The following RIN2 variants were observed in gnomAD, a reference collection of about 807,000 sequenced individuals.
RIN2 encodes the protein RAB5 interacting protein 2.
Under a neutral mutation model 78.0 loss-of-function variants are expected in RIN2, and 36 were observed. The observed-to-expected ratio is 0.46, with a 90% CI of 0.35 to 0.61. The LOEUF is 0.61. Among genes scored for constraint, RIN2 ranks in the 20% least tolerant of loss-of-function variants. RIN2 has a pLI of 0.00. For synonymous variants in RIN2, 466 were observed against 466.8 expected, an observed-to-expected ratio of 1.00 and a Z score of 0.02; for missense variants, 1,087 against 1,159.7, an observed-to-expected ratio of 0.94 and a Z score of 0.91.
At chr20:19,766,404 A>C (rs1396105600) in intron 1 of RIN2, among the ~76,000 whole-genome samples, 1 of 152,116 alleles carries the variant, frequency 6.6e-6, no homozygotes, top group Non-Finnish European at 1.5e-5. Flanking sequence ...GATCAGAGGT[A>C]GAGTCATTTC....
At chr20:19,954,716 T>C (rs6046484) in intron 4 of RIN2, among the ~76,000 whole-genome samples, 7 of 94,548 alleles carry the variant, frequency 7.4e-5, no homozygotes, top group East Asian at 5.0e-4. Context: ...CACCCCTGTG[T>C]CCCTCACCCC....
intron 7 of RIN2, among the ~76,000 whole-genome samples, chr20:19,966,115 T>G (rs1568672989): frequency 6.6e-6 from 1 of 152,192 alleles, no homozygotes. Flanking sequence ...GGCTTCCTTT[T>G]CTTCTCTGTC....
chr20:19,844,916 A>G (rs2036734826), intron 2 of RIN2, among the ~76,000 whole-genome samples: 1 of 151,508 alleles, frequency 6.6e-6, no homozygotes, highest in African/African-American at 2.4e-5. Context: ...CCAGTGTGTG[A>G]TGTTCCCCTC....
chr20:19,861,487 G>T (rs371290708), intron 2 of RIN2, among the ~76,000 whole-genome samples: 12 of 152,162 alleles, frequency 7.9e-5, no homozygotes, highest in African/African-American at 2.9e-4. Context: ...GAGCAAGAAC[G>T]CCCTGCCCTC....
At chr20:19,878,385 T>C (rs1023763905) in intron 2 of RIN2, among the ~76,000 whole-genome samples, 1 of 152,098 alleles carries the variant, frequency 6.6e-6, no homozygotes, top group Non-Finnish European at 1.5e-5. Flanking sequence ...GCACAGCACT[T>C]GGACATGAAG....
At position 19,844,636 on chromosome 20, in the gene RIN2, CTT is replaced by C. The variant is rs1211518275; in HGVS notation, c.-37+44890_-37+44891del. ...TCTTCTTCTTCTTCTTCTTCTTCTT[CTT>C]CTTCTTCTTCTTCTTCTTCTTCTTC... On this transcript the variant is annotated intron_variant, in intron 2 of 12. Coordinates refer to ENST00000255006, the MANE Select transcript of RIN2 (RefSeq NM_018993.4). Among the ~76,000 whole-genome samples the C allele has an allele frequency of 1.3e-3, 167 of 129,344 alleles. 5 individuals are homozygous for C. The Middle Eastern group carries it at 0.022, about 17-fold the overall frequency. 84.9% of individuals were successfully genotyped at this position (129,344 alleles called of 152,430 possible).
chr20:19,758,440 G>T (rs2033472008), intron 1 of RIN2, 113 bp downstream of exon 1: 1 of 152,334 alleles, frequency 6.6e-6, no homozygotes, highest in Non-Finnish European at 1.5e-5. Flanking sequence ...GTGCTGCTGT[G>T]CGCACTCTCT....
chr20:19,997,398 G>C (rs2043003507), intron 12 of RIN2, among the ~76,000 whole-genome samples: 1 of 152,180 alleles, frequency 6.6e-6, no homozygotes, highest in Non-Finnish European at 1.5e-5. Flanking sequence ...GTGAGCTGCT[G>C]CTTGGGAATG....
chr20:19,944,156 C>T (rs1203703408), intron 4 of RIN2, among the ~76,000 whole-genome samples: 1 of 151,844 alleles, frequency 6.6e-6, no homozygotes, highest in Non-Finnish European at 1.5e-5. Context: ...GTGTGTATGT[C>T]TTTAACACAA....
intron 1 of RIN2, among the ~76,000 whole-genome samples, chr20:19,774,783 C>T (rs1002833482): frequency 1.3e-5 from 2 of 152,112 alleles, no homozygotes; most frequent in South Asian, 4.2e-4. Context: ...CAAAGTTCAC[C>T]CTGACTGCTG....
In RIN2 at chr20:19,877,672, C is replaced by T. The variant is rs117184380; in HGVS notation, c.-36-11894C>T. Among the ~76,000 whole-genome samples the T allele has an allele frequency of 2.2e-3, 336 of 152,224 alleles. 2 individuals carry two copies. The East Asian group carries it at 0.027, about 12-fold the overall frequency. On this transcript the variant is annotated intron_variant, in intron 2 of 12. Transcript: ENST00000255006. ...GGATGTAACTAGGCCCACACAGGAC[C>T]GAACCTTATACTTTTGCAAACCAGG...
At chr20:19,981,005 A>G (rs1401742804) in intron 9 of RIN2, among the ~76,000 whole-genome samples, 1 of 152,250 alleles carries the variant, frequency 6.6e-6, no homozygotes, top group Non-Finnish European at 1.5e-5. Context: ...AAAAGAGCCA[A>G]GTGAGAGCAC....
chr20:19,934,102 G>C lies in RIN2; in HGVS notation c.58-997G>C, dbSNP rs140115020. Among the ~76,000 whole-genome samples, 240 of 152,292 alleles carry C rather than the reference G, an allele frequency of 1.6e-3. 1 individual carries two copies. Among genetic ancestry groups the C allele is most frequent in the African/African-American group, 5.4e-3 (226 of 41,564 alleles). On this transcript the variant is annotated intron_variant, in intron 3 of 12. Transcript: ENST00000255006. ...TGGGATTACAGGCAAGAGCCGCTAT[G>C]CCTGGCCAATGCTCTTAAAAATTAT...
intron 1 of RIN2, 24 bp from the exon 2 acceptor site, chr20:19,799,598 G>C (rs1233196664): frequency 1.3e-5 from 2 of 152,156 alleles, no homozygotes; most frequent in African/African-American, 2.4e-5. Context: ...ACAAAACCCT[G>C]AATGGTCAAT....
chr20:19,775,002 CATT>C lies in RIN2; in HGVS notation c.-163+16679_-163+16681del, dbSNP rs1200124863. Among the ~76,000 whole-genome samples, 9 of 152,216 alleles carry C rather than the reference CATT, an allele frequency of 5.9e-5. No individual in the cohort carries two copies. In the East Asian group the frequency reaches 1.5e-3, roughly 26 times the overall value. On this transcript the variant is annotated intron_variant, in intron 1 of 12. Coordinates refer to ENST00000255006, the MANE Select transcript of RIN2 (RefSeq NM_018993.4). ...TACTGACCACCCACATTCATGGAGG[CATT>C]ATTTAAGGAGATGATCAATCTGGTA...
chr20:19,827,810 C>CTTTTTTTTTTTTTT (rs34007899), intron 2 of RIN2, among the ~76,000 whole-genome samples: 1 of 138,390 alleles, frequency 7.2e-6, no homozygotes. Context: ...TTCTTTTTTT[C>CTTTTTTTTTTTTTT]TTTTTTTTTT....
intron 3 of RIN2, chr20:19,895,682 G>A (rs2123558137): frequency 6.6e-6 from 1 of 152,278 alleles, no homozygotes; most frequent in Non-Finnish European, 1.5e-5. Flanking sequence ...GGCCCTCTTT[G>A]GTCATGTCTC....
intron 2 of RIN2, among the ~76,000 whole-genome samples, chr20:19,837,167 C>CAA (rs1444893982): frequency 0.036 from 4,369 of 120,690 alleles, 71 homozygotes; most frequent in African/African-American, 0.062. Context: ...ACCGCCCCCC[C>CAA]CAACACACAC....
intron 2 of RIN2, among the ~76,000 whole-genome samples, chr20:19,859,087 TC>T (rs1215868247): frequency 6.6e-6 from 1 of 152,190 alleles, no homozygotes; most frequent in African/African-American, 2.4e-5. Context: ...AGAAAATACT[TC>T]CATGCCAGGC....
Sources: gnomAD v4.1 joint callset for allele counts (sites outside exome capture counted in the v4.1 genomes callset) on GRCh38, gnomAD v4.1.1 for gene constraint, MANE v1.5 for transcripts, NCBI Gene and HGNC (gene_info 2026-07-23, HGNC 2026-07-21) for gene names.